Variants in DIPK1A observed in about 807,000 individuals in gnomAD.
DIPK1A encodes the protein divergent protein kinase domain 1A.
Under a neutral mutation model 40.8 loss-of-function variants are expected in DIPK1A, and 27 were observed. That is an observed-to-expected ratio of 0.66 (90% CI 0.49 to 0.91). DIPK1A has a LOEUF of 0.91. DIPK1A is among the 40% of genes least tolerant of loss of function. The probability of loss-of-function intolerance (pLI) is 0.00; values close to 1 mark genes in which losing one functional copy is unlikely to be tolerated. For missense variants in DIPK1A, 412 were observed against 505.7 expected (o/e 0.81, Z 1.78); for synonymous variants, 166 against 171.3 (o/e 0.97, Z 0.24).
At chr1:92,856,329 T>C (rs1557455183) in intron 2 of DIPK1A, among the ~76,000 whole-genome samples, 1 of 151,694 alleles carries the variant, frequency 6.6e-6, no homozygotes, top group Non-Finnish European at 1.5e-5. Context: ...TTAATACATA[T>C]AAAAATTGAA....
intron 1 of DIPK1A, among the ~76,000 whole-genome samples, chr1:92,910,867 A>C (rs1025344287): frequency 6.6e-6 from 1 of 152,076 alleles, no homozygotes; most frequent in African/African-American, 2.4e-5. Context: ...ATACAATTTT[A>C]TCATGTGTAG....
At chr1:92,861,358 A>C (rs1647265554) in intron 2 of DIPK1A, among the ~76,000 whole-genome samples, 1 of 104,036 alleles carries the variant, frequency 9.6e-6, no homozygotes, top group Non-Finnish European at 1.7e-5. Flanking sequence ...ACAGGGTCTC[A>C]CTCTGTCACC....
chr1:92,845,298 T>G (rs1180876305), intron 4 of DIPK1A, among the ~76,000 whole-genome samples: 1 of 8,048 alleles, frequency 1.2e-4, no homozygotes, highest in Admixed American at 2.5e-3. Context: ...TACCGTTTTT[T>G]TTTTTTTTTT....
rs575761895 is a variant in DIPK1A, at chr1:92,865,435, C to A, written c.189+10861G>T. On this transcript the variant is annotated intron_variant, in intron 2 of 4. Coordinates refer to ENST00000370310, the MANE Select transcript of DIPK1A (RefSeq NM_001006605.5). Reference sequence around the variant, plus strand: ...AGCTTGATGGAAAAAGAAAAAAGCACAAGTGAAAAAAAAAATGGATTTTTC... The same window carrying A: ...AGCTTGATGGAAAAAGAAAAAAGCAAAAGTGAAAAAAAAAATGGATTTTTC... Among the ~76,000 whole-genome samples, 31 of 151,372 alleles carry A rather than the reference C, an allele frequency of 2.0e-4. 1 individual carries two copies. Among genetic ancestry groups the A allele is most frequent in the African/African-American group, 7.5e-4 (31 of 41,222 alleles).
chr1:92,841,257 TATATGA>T (rs1438341540), downstream of DIPK1A, among the ~76,000 whole-genome samples: 6 of 152,240 alleles, frequency 3.9e-5, no homozygotes, highest in Non-Finnish European at 5.9e-5. Context: ...TTTTAGATTC[TATATGA>T]ATATGAAGTA....
chr1:92,841,683 AT>A (rs1388612013), downstream of DIPK1A: 5 of 853,200 alleles, frequency 5.9e-6, no homozygotes, highest in Admixed American at 1.2e-4. Flanking sequence ...CTCTATCAAA[AT>A]TAAATTTTAT....
chr1:92,917,526 G>A (rs902244252), intron 1 of DIPK1A, among the ~76,000 whole-genome samples: 2 of 152,156 alleles, frequency 1.3e-5, no homozygotes, highest in Non-Finnish European at 2.9e-5. Flanking sequence ...GCAAATGCTC[G>A]TTGTCAAACT....
intron 1 of DIPK1A, among the ~76,000 whole-genome samples, chr1:92,897,472 C>T (rs566996838): frequency 6.6e-5 from 10 of 151,232 alleles, no homozygotes; most frequent in Admixed American, 5.9e-4. Context: ...CACATGGACA[C>T]AGGAAGGGGA....
At chr1:92,961,333 C>T (rs1323939231) in intron 1 of DIPK1A, 43 bp downstream of exon 1, 19 of 1,448,024 alleles carry the variant, frequency 1.3e-5, no homozygotes, top group Non-Finnish European at 1.8e-5. Context: ...GGGCACACGG[C>T]CGGGTGCTCC....
chr1:92,939,583 T>C (rs140066035), intron 1 of DIPK1A, among the ~76,000 whole-genome samples: 32 of 152,290 alleles, frequency 2.1e-4, no homozygotes, highest in African/African-American at 7.2e-4. Context: ...CACCTTCCCA[T>C]ATGCCCCCTT....
At chr1:92,914,825 C>A (rs1649986288) in intron 1 of DIPK1A, among the ~76,000 whole-genome samples, 1 of 149,044 alleles carries the variant, frequency 6.7e-6, no homozygotes, top group Non-Finnish European at 1.5e-5. Flanking sequence ...GTGGCTCACA[C>A]CTGTAATCCC....
At chr1:92,887,206 C>T (rs1318238678) in intron 1 of DIPK1A, among the ~76,000 whole-genome samples, 4 of 144,566 alleles carry the variant, frequency 2.8e-5, no homozygotes, top group Non-Finnish European at 1.5e-5. Flanking sequence ...CACTTGAGCC[C>T]AGGAGTTTGA....
chr1:92,902,941 G>A (rs1335446544), intron 1 of DIPK1A, among the ~76,000 whole-genome samples: 6 of 152,264 alleles, frequency 3.9e-5, no homozygotes, highest in Middle Eastern at 3.4e-3. Flanking sequence ...CACTTGGAGC[G>A]TGCCTGAGTG....
intron 1 of DIPK1A, 56 bp from the exon 2 acceptor site, chr1:92,876,486 T>C (rs1417774240): frequency 1.2e-5 from 19 of 1,591,230 alleles, no homozygotes; most frequent in Non-Finnish European, 1.6e-5. Context: ...CAGCATTCAA[T>C]GTCCTAGAAC....
chr1:92,945,121 C>T (rs1273922999), intron 1 of DIPK1A, among the ~76,000 whole-genome samples: 3 of 151,728 alleles, frequency 2.0e-5, no homozygotes, highest in Non-Finnish European at 2.9e-5. Context: ...GAAAAGCATC[C>T]GGTCACCATG....
At position 92,900,643 on chromosome 1, in the gene DIPK1A, T is replaced by C. The variant is rs189583005; in HGVS notation, c.55-24213A>G. Among the ~76,000 whole-genome samples the C allele has an allele frequency of 1.2e-3, 189 of 152,284 alleles. 2 individuals are homozygous for C. Among genetic ancestry groups the C allele is most frequent in the African/African-American group, 4.1e-4 (17 of 41,564 alleles). Reference sequence around the variant, plus strand: ...ATTGGGGTCTGTCACTAGAGAGTTATGTTCCTTTGGCAGTGTCAGGTTTCC... The same window carrying C: ...ATTGGGGTCTGTCACTAGAGAGTTACGTTCCTTTGGCAGTGTCAGGTTTCC... On this transcript the variant is annotated intron_variant, in intron 1 of 4. Transcript: ENST00000370310.
At chr1:92,954,977 C>T (rs996259032) in intron 1 of DIPK1A, among the ~76,000 whole-genome samples, 2 of 151,938 alleles carry the variant, frequency 1.3e-5, no homozygotes, top group African/African-American at 4.8e-5. Context: ...TGTGGTACAC[C>T]CAGACAACGA....
chr1:92,864,339 C>T (rs1034669877), intron 2 of DIPK1A, among the ~76,000 whole-genome samples: 2 of 152,156 alleles, frequency 1.3e-5, no homozygotes, highest in Non-Finnish European at 2.9e-5. Context: ...TCATAAGAGA[C>T]TGTAATAACA....
chr1:92,885,566 G>C (rs1266115491), intron 1 of DIPK1A, among the ~76,000 whole-genome samples: 1 of 152,132 alleles, frequency 6.6e-6, no homozygotes, highest in Non-Finnish European at 1.5e-5. Context: ...ATGTTGGCCA[G>C]GTTGGTCTCT....
Sources: allele counts gnomAD v4.1 joint callset (sites outside exome capture counted in the v4.1 genomes callset), GRCh38; gene constraint gnomAD v4.1.1; transcripts MANE v1.5; gene names NCBI Gene and HGNC (gene_info 2026-07-23, HGNC 2026-07-21).